Variants in GNB1L observed in about 807,000 individuals in gnomAD.
The protein encoded by GNB1L is G protein subunit beta 1 like, also known as guanine nucleotide-binding protein subunit beta-like protein 1.
Under a neutral mutation model 29.1 loss-of-function variants are expected in GNB1L, and 20 were observed. The observed-to-expected ratio is 0.69, with a 90% CI of 0.48 to 1.00. The LOEUF (loss-of-function observed/expected upper bound fraction) is 1.00, where lower values mean the gene tolerates loss of function less well. Among genes scored for constraint, GNB1L ranks in the 50% least tolerant of loss-of-function variants. The pLI is 0.00. For missense variants in GNB1L, 421 were observed against 464.9 expected, an observed-to-expected ratio of 0.91 and a Z score of 0.87; for synonymous variants, 193 against 206.5, an observed-to-expected ratio of 0.93 and a Z score of 0.56.
chr22:19,799,786 G>A (rs2904561), intron 7 of GNB1L, among the ~76,000 whole-genome samples: 37,455 of 152,118 alleles, frequency 0.25, 4,839 homozygotes, highest in South Asian at 0.34. Context: ...TGGCAAGAAC[G>A]CTCTCAGGCA....
Position 19,794,823 on chromosome 22 carries a change from A to G in GNB1L, c.733-5863T>C, listed in dbSNP as rs535059428. Among the ~76,000 whole-genome samples, 8 of 152,206 alleles carry G rather than the reference A, an allele frequency of 5.3e-5. No individual in the cohort carries two copies. The East Asian group carries it at 1.5e-3, about 29-fold the overall frequency. ...TGGTGAAACCCTGTCTCTACTAAAA[A>G]TACAAAAATTAGCCGGGTGTGGTGG... On this transcript the variant is annotated intron_variant, in intron 7 of 7. Coordinates refer to ENST00000329517, the MANE Select transcript of GNB1L (RefSeq NM_053004.3).
At chr22:19,821,068 C>A (rs1937574726) in intron 3 of GNB1L, among the ~76,000 whole-genome samples, 160 bp downstream of exon 3, 1 of 152,196 alleles carries the variant, frequency 6.6e-6, no homozygotes, top group South Asian at 2.1e-4. Context: ...CCCCAAGGGA[C>A]AGTGTGTCTG....
At chr22:19,789,018 C>G in intron 7 of GNB1L, 58 bp from the exon 8 acceptor site, 1 of 1,524,790 alleles carries the variant, frequency 6.6e-7, no homozygotes, top group Non-Finnish European at 8.9e-7. Context: ...CAGTGCTGCC[C>G]CTGGTGCCCC....
intron 2 of GNB1L, chr22:19,851,331 C>A (rs1277576235): frequency 6.2e-7 from 1 of 1,614,130 alleles, no homozygotes; most frequent in Non-Finnish European, 8.5e-7. Flanking sequence ...GGTCTCTGGG[C>A]AGGAGGATTA....
Position 19,783,483 on chromosome 22 carries a change from G to C in GNB1L, c.*5226C>G. ...GAGGATCACTTGAGCCTATTAGTTG[G>C]AGGCTGCAGTAAGCTATGATCATGC... On this transcript the variant is annotated 3_prime_UTR_variant, in exon 8 of 8. Coordinates refer to ENST00000329517, the MANE Select transcript of GNB1L (RefSeq NM_053004.3). 7.6e-6 allele frequency: 2 copies of C among 262,338 alleles called. No homozygotes were observed. The highest frequency in any genetic ancestry group is 1.5e-5 in the Non-Finnish European group (2 of 132,930). 16.3% of individuals were successfully genotyped at this position (262,338 alleles called of 1,614,324 possible). A position where few individuals can be genotyped will look rare whatever the true frequency, so the allele number is the denominator to read the frequency against.
chr22:19,851,194 T>C, intron 2 of GNB1L: 1 of 1,590,924 alleles, frequency 6.3e-7, no homozygotes. Context: ...GTGGTGGCTC[T>C]CCTGGGGTCT....
chr22:19,845,068 C>T (rs1299280631), intron 2 of GNB1L, among the ~76,000 whole-genome samples: 1 of 152,212 alleles, frequency 6.6e-6, no homozygotes, highest in East Asian at 1.9e-4. Context: ...GGGGCTGACA[C>T]TTTCTGACAG....
intron 1 of GNB1L, 130 bp from the exon 2 acceptor site, chr22:19,854,669 G>A (rs1938194571): frequency 6.5e-6 from 1 of 152,926 alleles, no homozygotes; most frequent in South Asian, 2.1e-4. Context: ...CCGAGAAACT[G>A]AGGCCCGCAG....
At chr22:19,851,148 G>C in intron 2 of GNB1L, 1 of 1,571,528 alleles carries the variant, frequency 6.4e-7, no homozygotes, top group African/African-American at 1.3e-5. Flanking sequence ...GGGCAGCATT[G>C]TTCCCACCTG....
chr22:19,849,768 G>A, intron 2 of GNB1L: 1 of 985,412 alleles, frequency 1.0e-6, no homozygotes, highest in Non-Finnish European at 1.2e-6. Context: ...CTACTTTCCA[G>A]GAAGGTGTTG....
intron 7 of GNB1L, among the ~76,000 whole-genome samples, chr22:19,799,661 G>A (rs1290364657): frequency 6.6e-6 from 1 of 152,226 alleles, no homozygotes; most frequent in Non-Finnish European, 1.5e-5. Flanking sequence ...GCAGGAGGGT[G>A]TGAGGGGGAC....
intron 7 of GNB1L, among the ~76,000 whole-genome samples, chr22:19,790,707 T>C (rs768487027): frequency 6.6e-6 from 1 of 151,842 alleles, no homozygotes; most frequent in Non-Finnish European, 1.5e-5. Flanking sequence ...CCAGGTGTGG[T>C]CGTGTAGTCC....
At position 19,821,197 on chromosome 22, in the gene GNB1L, G is replaced by A. The variant is rs774949599; in HGVS notation, c.128+31C>T. The A allele has an allele frequency of 5.6e-6, 9 of 1,594,504 alleles. No individual in the cohort carries two copies. In the Admixed American group the frequency reaches 1.0e-4, roughly 18 times the overall value. The stretch of plus-strand genomic sequence containing the variant: ...TCACGACCTCCTGACTTGGCCCTGG[G>A]TGGCCTGGGGCTGGGGCCACAGCTA... On this transcript the variant is annotated intron_variant, in intron 3 of 7. Coordinates refer to ENST00000329517, the MANE Select transcript of GNB1L (RefSeq NM_053004.3).
intron 4 of GNB1L, 30 bp from the exon 5 acceptor site, chr22:19,812,477 A>G (rs375587605): frequency 1.6e-4 from 251 of 1,588,038 alleles, no homozygotes; most frequent in Non-Finnish European, 2.0e-4. Flanking sequence ...CAGGCCTGAG[A>G]CTCCCCTTGA....
At chr22:19,790,677 TA>T (rs1450444964) in intron 7 of GNB1L, among the ~76,000 whole-genome samples, 1 of 151,790 alleles carries the variant, frequency 6.6e-6, no homozygotes, top group Non-Finnish European at 1.5e-5. Context: ...ACCCTGTCTT[TA>T]AAAAACATTA....
intron 2 of GNB1L, chr22:19,848,064 C>T: frequency 1.0e-6 from 1 of 985,382 alleles, no homozygotes; most frequent in Non-Finnish European, 1.2e-6. Context: ...CTGTCCACAT[C>T]TAAGTGCTTT....
At chr22:19,817,441 A>G (rs1479738799) in intron 4 of GNB1L, among the ~76,000 whole-genome samples, 2 of 152,166 alleles carry the variant, frequency 1.3e-5, no homozygotes, top group African/African-American at 2.4e-5. Flanking sequence ...AGATCATGCC[A>G]CTGCACTCCA....
intron 2 of GNB1L, among the ~76,000 whole-genome samples, chr22:19,835,807 A>G (rs1471803089): frequency 6.6e-6 from 1 of 152,256 alleles, no homozygotes; most frequent in African/African-American, 2.4e-5. Context: ...ACTGTTTTAT[A>G]TAATCAATGG....
chr22:19,820,542 G>A, intron 4 of GNB1L, 56 bp downstream of exon 4: 1 of 1,561,122 alleles, frequency 6.4e-7, no homozygotes, highest in Non-Finnish European at 8.7e-7. Flanking sequence ...GCCTCCATCA[G>A]AGAGTTCCTG....
Sources: allele counts gnomAD v4.1 joint callset (sites outside exome capture counted in the v4.1 genomes callset), GRCh38; gene constraint gnomAD v4.1.1; transcripts MANE v1.5; gene names NCBI Gene and HGNC (gene_info 2026-07-23, HGNC 2026-07-21).